Variants in AKAP13 observed in about 807,000 individuals in gnomAD.
AKAP13 encodes A-kinase anchor protein 13.
A neutral mutation model predicts 264.5 loss-of-function variants in AKAP13; 80 were observed. That is an observed-to-expected ratio of 0.30 (90% CI 0.25 to 0.36). AKAP13 has a LOEUF of 0.36. Ranked by LOEUF, AKAP13 falls within the 10% of genes least tolerant of loss-of-function variation. The pLI, the probability that AKAP13 is intolerant of heterozygous loss-of-function variation, is 1.00. For missense variants in AKAP13, 3,712 were observed against 3,435.2 expected (o/e 1.08, Z -2.01); for synonymous variants, 1,380 against 1,250.2 (o/e 1.10, Z -2.19).
chr15:85,394,134 A>G (rs2071000883), intron 1 of AKAP13, among the ~76,000 whole-genome samples: 1 of 152,232 alleles, frequency 6.6e-6, no homozygotes, highest in Non-Finnish European at 1.5e-5. Context: ...TTGAAAAACC[A>G]GTTTTTTAGG....
intron 1 of AKAP13, among the ~76,000 whole-genome samples, chr15:85,403,254 G>A (rs2071507972): frequency 6.6e-6 from 1 of 152,194 alleles, no homozygotes; most frequent in Admixed American, 6.5e-5. Context: ...TGAACATACA[G>A]AGATTAGATT....
chr15:85,415,949 C>T (rs2072226041), intron 1 of AKAP13, among the ~76,000 whole-genome samples: 1 of 151,784 alleles, frequency 6.6e-6, no homozygotes, highest in South Asian at 2.1e-4. Context: ...ACGCATAACC[C>T]CTAGAGCTCA....
At chr15:85,735,667 C>T (rs764571775) in intron 32 of AKAP13, 37 bp downstream of exon 32, 8 of 1,567,412 alleles carry the variant, frequency 5.1e-6, no homozygotes, top group Non-Finnish European at 7.0e-6. Context: ...ACCTCCTTGG[C>T]ACTTTCCTCT....
At chr15:85,604,449 AGCT>A (rs938372790) in intron 8 of AKAP13, among the ~76,000 whole-genome samples, 36 of 151,614 alleles carry the variant, frequency 2.4e-4, no homozygotes, top group South Asian at 1.7e-3. Flanking sequence ...ACCAATCAAA[AGCT>A]GCTGCTGCTG....
intron 8 of AKAP13, among the ~76,000 whole-genome samples, chr15:85,595,714 A>AT (rs1378884718): frequency 2.0e-5 from 3 of 152,214 alleles, no homozygotes; most frequent in East Asian, 3.9e-4. Context: ...CCTTGTAGTT[A>AT]TTTTTTTACT....
At chr15:85,483,643 A>AAAAAAAAAC (rs2075425171) in intron 1 of AKAP13, among the ~76,000 whole-genome samples, 1 of 148,492 alleles carries the variant, frequency 6.7e-6, no homozygotes, top group Non-Finnish European at 1.5e-5. Flanking sequence ...AAAAAAAAAA[A>AAAAAAAAAC]AAAAAAAACA....
rs759530131 is a variant in AKAP13, at chr15:85,580,435, C to T, written c.2367C>T (p.Asn789=). The change falls in exon 7 of 37, where the codon AAC becomes AAT. Residue 789 remains asparagine, a synonymous_variant. Coordinates refer to ENST00000394518, the MANE Select transcript of AKAP13 (RefSeq NM_007200.5). ...VISDSTFSLA[N]SPGSESVTKD... ...CAGACAGTACTTTCTCTCTGGCAAACAGTCCAGGCAGTGAATCAGTAACCA... is the reference window on the plus strand; with the variant it reads ...CAGACAGTACTTTCTCTCTGGCAAATAGTCCAGGCAGTGAATCAGTAACCA... The T allele has an allele frequency of 8.7e-6, 14 of 1,614,218 alleles. No individual in the cohort carries two copies. The highest frequency in any genetic ancestry group is 8.5e-6 in the Non-Finnish European group (10 of 1,180,028).
chr15:85,505,226 A>T (rs1210910954), intron 2 of AKAP13, among the ~76,000 whole-genome samples: 1 of 152,138 alleles, frequency 6.6e-6, no homozygotes, highest in Admixed American at 6.6e-5. Flanking sequence ...CTCTAAAACT[A>T]CTCCATAGAC....
At chr15:85,404,762 T>C (rs1343161735) in intron 1 of AKAP13, among the ~76,000 whole-genome samples, 1 of 152,240 alleles carries the variant, frequency 6.6e-6, no homozygotes, top group Non-Finnish European at 1.5e-5. Context: ...TCCCAGCTTA[T>C]GGTAGGGGCT....
At position 85,580,016 on chromosome 15, in the gene AKAP13, T is replaced by A; in HGVS notation, c.1948T>A (p.Ser650Thr). 1.2e-6 allele frequency: 2 copies of A among 1,614,160 alleles called. No homozygotes were observed. The highest frequency in any genetic ancestry group is 1.7e-6 in the Non-Finnish European group (2 of 1,179,992). The change falls in exon 7 of 37, where the codon TCA (serine) becomes ACA (threonine). Residue 650 changes from serine to threonine, a missense_variant. Physicochemically the swap from Ser to Thr is moderately conservative, Grantham distance 58 (BLOSUM62 1). Around this residue, in one of 3 missense-constraint regions of AKAP13, gnomAD observed 2,759 missense variants for 2,411.7 expected, o/e 1.14. Transcript: ENST00000394518. ...SHAQSQKGKS[S>T]PICSTTGDDK... ...TGCTCAAAGCCAAAAGGGCAAATCC[T>A]CACCCATTTGTTCTACAACTGGAGA... is the stretch of plus-strand genomic sequence containing the variant.
chr15:85,508,541 G>T (rs1020445081), intron 2 of AKAP13, among the ~76,000 whole-genome samples: 5 of 151,868 alleles, frequency 3.3e-5, no homozygotes, highest in African/African-American at 9.7e-5. Context: ...GTCCTCTATC[G>T]TGTTTCATCT....
intron 5 of AKAP13, among the ~76,000 whole-genome samples, chr15:85,572,417 G>T (rs895851795): frequency 6.6e-6 from 1 of 151,612 alleles, no homozygotes; most frequent in Non-Finnish European, 1.5e-5. Context: ...TCGTTTCTTT[G>T]AACTGTCGAG....
intron 19 of AKAP13, among the ~76,000 whole-genome samples, chr15:85,712,260 C>T (rs1223551500): frequency 1.3e-5 from 2 of 152,174 alleles, no homozygotes; most frequent in East Asian, 1.9e-4. Context: ...AGTCTACACT[C>T]CCAGAAGAGA....
At chr15:85,631,920 T>G (rs2151450293) in intron 8 of AKAP13, among the ~76,000 whole-genome samples, 1 of 152,050 alleles carries the variant, frequency 6.6e-6, no homozygotes, top group East Asian at 1.9e-4. Context: ...TACAGGAAAG[T>G]TAAAAGGAAT....
At chr15:85,734,875 C>G in intron 30 of AKAP13, 117 bp from the exon 31 acceptor site, 1 of 1,361,176 alleles carries the variant, frequency 7.3e-7, no homozygotes, top group Middle Eastern at 2.6e-4. Context: ...AGGAACTCAC[C>G]CAGTCACTCT....
At chr15:85,704,796 T>TC (rs1355665033) in intron 17 of AKAP13, among the ~76,000 whole-genome samples, 1 of 152,242 alleles carries the variant, frequency 6.6e-6, no homozygotes, top group Admixed American at 6.5e-5. Flanking sequence ...AGATTTGTCT[T>TC]CAATTCTTGT....
intron 30 of AKAP13, 65 bp downstream of exon 30, chr15:85,730,772 C>T (rs2087941469): frequency 1.4e-6 from 2 of 1,405,256 alleles, no homozygotes; most frequent in Admixed American, 2.2e-5. Context: ...ACTAATATTA[C>T]CTGCCAGTTT....
At chr15:85,684,469 C>G (rs1165886360) in intron 15 of AKAP13, 1 of 262,796 alleles carries the variant, frequency 3.8e-6, no homozygotes. Context: ...GAGGCTGAGG[C>G]AGGAAGATTG....
chr15:85,485,491 A>G (rs1393848577), intron 1 of AKAP13, among the ~76,000 whole-genome samples: 1 of 152,216 alleles, frequency 6.6e-6, no homozygotes, highest in Non-Finnish European at 1.5e-5. Context: ...CAATCGGAAG[A>G]TCTTTCTTCC....
Sources: gnomAD v4.1 joint callset for allele counts (sites outside exome capture counted in the v4.1 genomes callset) on GRCh38, gnomAD v4.1.1 for gene constraint, gnomAD v4.1.1 regional missense constraint, MANE v1.5 for transcripts, NCBI Gene and HGNC (gene_info 2026-07-23, HGNC 2026-07-21) for gene names.